The following LOC128092253 variants were observed in gnomAD, a reference collection of about 807,000 sequenced individuals.
At chr6:133,977,807 T>C in the LOC128092253 span, among the ~76,000 whole-genome samples, 1 of 152,198 alleles carries the variant, frequency 6.6e-6, no homozygotes, top group African/African-American at 2.4e-5. Context: ...CTTGTTGTTC[T>C]ACCATCCTCA....
chr6:133,958,532 G>C, the LOC128092253 span, among the ~76,000 whole-genome samples: 1 of 152,112 alleles, frequency 6.6e-6, no homozygotes, highest in African/African-American at 2.4e-5. Context: ...TACCTAATCA[G>C]GAAAATAATT....
the LOC128092253 span, among the ~76,000 whole-genome samples, chr6:133,958,127 A>G: frequency 6.6e-6 from 1 of 152,360 alleles, no homozygotes; most frequent in Non-Finnish European, 1.5e-5. Context: ...TTTCTTGGAA[A>G]AGGAAGGCCG....
the LOC128092253 span, among the ~76,000 whole-genome samples, chr6:133,978,283 T>C: frequency 6.6e-6 from 1 of 152,234 alleles, no homozygotes; most frequent in African/African-American, 2.4e-5. Flanking sequence ...TCATTTACTG[T>C]TACAATATCC....
chr6:133,971,527 A>G, the LOC128092253 span, among the ~76,000 whole-genome samples: 3 of 152,118 alleles, frequency 2.0e-5, no homozygotes, highest in Non-Finnish European at 4.4e-5. Context: ...TTACTATCCT[A>G]CCAACAGTGT....
the LOC128092253 span, among the ~76,000 whole-genome samples, chr6:133,958,450 G>T: frequency 6.6e-6 from 1 of 152,242 alleles, no homozygotes. Context: ...AGTAATTCAG[G>T]TGGCTCAAGA....
chr6:133,970,194 A>C, the LOC128092253 span, among the ~76,000 whole-genome samples: 2 of 152,222 alleles, frequency 1.3e-5, no homozygotes, highest in Admixed American at 1.3e-4. Context: ...TCAGTTGAGA[A>C]CAACTACTCT....
At chr6:133,959,071 A>T in the LOC128092253 span, among the ~76,000 whole-genome samples, 1 of 151,774 alleles carries the variant, frequency 6.6e-6, no homozygotes, top group African/African-American at 2.4e-5. Flanking sequence ...ACAGAGTCTC[A>T]CTCTGTCACC....
the LOC128092253 span, among the ~76,000 whole-genome samples, chr6:133,979,619 A>G: frequency 0.078 from 11,920 of 152,262 alleles, 450 homozygotes; most frequent in Admixed American, 0.085. Context: ...TTTAAAAATG[A>G]CATTTTTAGT....
the LOC128092253 span, among the ~76,000 whole-genome samples, chr6:133,969,891 A>G: frequency 6.6e-6 from 1 of 152,242 alleles, no homozygotes; most frequent in African/African-American, 2.4e-5. Flanking sequence ...AATTTACTGT[A>G]TAATTCCTAC....
the LOC128092253 span, among the ~76,000 whole-genome samples, chr6:133,970,944 A>G: frequency 6.6e-6 from 1 of 152,174 alleles, no homozygotes; most frequent in Admixed American, 6.5e-5. Context: ...TCTTTGTGGT[A>G]AGAACAGTCA....
Sources: gnomAD v4.1 joint callset for allele counts (sites outside exome capture counted in the v4.1 genomes callset) on GRCh38, gnomAD v4.1.1 for gene constraint, MANE v1.5 for transcripts.